The following TMEM117 variants were observed in gnomAD, a reference collection of about 807,000 sequenced individuals.
The protein encoded by TMEM117 is transmembrane protein 117.
TMEM117 carries 27 observed loss-of-function variants against 52.4 expected under a neutral mutation model. The ratio of observed to expected loss-of-function variants is 0.51; its 90% confidence interval spans 0.38 to 0.71. The LOEUF is 0.71. TMEM117 is among the 30% of genes least tolerant of loss of function. The probability of loss-of-function intolerance (pLI) is 0.00; values close to 1 mark genes in which losing one functional copy is unlikely to be tolerated. For synonymous variants in TMEM117, 215 were observed against 206.3 expected (o/e 1.04, Z -0.36); for missense variants, 556 against 630.5 (o/e 0.88, Z 1.26).
At chr12:44,316,809 T>G (rs1951060242) in intron 6 of TMEM117, among the ~76,000 whole-genome samples, 1 of 152,088 alleles carries the variant, frequency 6.6e-6, no homozygotes, top group South Asian at 2.1e-4. Context: ...CTGACTTGAT[T>G]AATTCAAAAG....
At chr12:44,282,062 A>G (rs1000149176) in intron 5 of TMEM117, among the ~76,000 whole-genome samples, 1 of 152,186 alleles carries the variant, frequency 6.6e-6, no homozygotes, top group Non-Finnish European at 1.5e-5. Context: ...AAGTCTCACA[A>G]GAACTGATGG....
intron 2 of TMEM117, among the ~76,000 whole-genome samples, chr12:43,897,947 T>C (rs1045112566): frequency 2.0e-5 from 3 of 152,078 alleles, no homozygotes; most frequent in Non-Finnish European, 4.4e-5. Context: ...GCTTTTTCTC[T>C]CATGACCCTT....
intron 3 of TMEM117, among the ~76,000 whole-genome samples, chr12:44,130,906 C>CT (rs1268852347): frequency 6.6e-6 from 1 of 151,904 alleles, no homozygotes; most frequent in Admixed American, 6.6e-5. Flanking sequence ...TGACATTGTG[C>CT]TTTTTCTGTA....
At chr12:43,902,065 TGA>T (rs748702739) in intron 2 of TMEM117, among the ~76,000 whole-genome samples, 12 of 152,248 alleles carry the variant, frequency 7.9e-5, no homozygotes, top group Non-Finnish European at 1.2e-4. Flanking sequence ...ATACGCTGTT[TGA>T]TCAATTGTGC....
At chr12:43,981,484 C>T (rs189755065) in intron 3 of TMEM117, among the ~76,000 whole-genome samples, 11 of 152,234 alleles carry the variant, frequency 7.2e-5, no homozygotes, top group Admixed American at 2.6e-4. Context: ...GTTAGAGCCA[C>T]GTAAAACTAA....
At chr12:44,354,620 C>T (rs543679429) in intron 6 of TMEM117, among the ~76,000 whole-genome samples, 1 of 150,718 alleles carries the variant, frequency 6.6e-6, no homozygotes, top group East Asian at 2.0e-4. Flanking sequence ...ATTCAACAAC[C>T]CTTCATGCTA....
intron 5 of TMEM117, among the ~76,000 whole-genome samples, chr12:44,298,275 A>C (rs1950793653): frequency 6.6e-6 from 1 of 150,836 alleles, no homozygotes; most frequent in Non-Finnish European, 1.5e-5. Context: ...AAGACATTAG[A>C]GGGCAAAAAC....
chr12:44,340,630 C>G (rs966232375), intron 6 of TMEM117, among the ~76,000 whole-genome samples: 1 of 151,828 alleles, frequency 6.6e-6, no homozygotes, highest in Admixed American at 6.6e-5. Flanking sequence ...TAGCTATGCA[C>G]GTCAAGAATT....
chr12:44,206,472 C>CT (rs1390962070), intron 4 of TMEM117, among the ~76,000 whole-genome samples: 1 of 152,114 alleles, frequency 6.6e-6, no homozygotes, highest in Non-Finnish European at 1.5e-5. Context: ...AGGCATATGC[C>CT]TAAAGGATAT....
intron 5 of TMEM117, among the ~76,000 whole-genome samples, chr12:44,294,869 C>T (rs906104057): frequency 2.6e-5 from 4 of 152,200 alleles, no homozygotes; most frequent in Non-Finnish European, 5.9e-5. Context: ...CAATTTAAAA[C>T]TTGTGAATTG....
chr12:44,047,578 C>G lies in TMEM117; in HGVS notation c.411-95947C>G, dbSNP rs76581513. Among the ~76,000 whole-genome samples the G allele has an allele frequency of 4.3e-3, 651 of 152,212 alleles. 10 individuals are homozygous for G. Among genetic ancestry groups the G allele is most frequent in the African/African-American group, 0.014 (596 of 41,528 alleles). On this transcript the variant is annotated intron_variant, in intron 3 of 7. Coordinates refer to ENST00000266534, the MANE Select transcript of TMEM117 (RefSeq NM_032256.3). ...TATTTTATTTTCTAGTTCACTATTT[C>G]ATAGAAGGTATTGCTTTTTAAAAAA...
chr12:43,948,397 C>T (rs1945168144), intron 3 of TMEM117, among the ~76,000 whole-genome samples: 1 of 151,988 alleles, frequency 6.6e-6, no homozygotes, highest in Non-Finnish European at 1.5e-5. Context: ...GCTCTGCCTC[C>T]TGGGTTCATG....
chr12:43,800,677 T>C, the TMEM117 span: 4 of 594,368 alleles, frequency 6.7e-6, no homozygotes, highest in Non-Finnish European at 1.2e-5. Context: ...AAAATACGTG[T>C]GTACAAATAA....
chr12:43,976,857 A>G (rs941045160), intron 3 of TMEM117, among the ~76,000 whole-genome samples: 2 of 152,194 alleles, frequency 1.3e-5, no homozygotes, highest in African/African-American at 4.8e-5. Flanking sequence ...CTGGCTTTGC[A>G]TCCTAGAATT....
At chr12:44,354,574 AT>A (rs1399191311) in intron 6 of TMEM117, among the ~76,000 whole-genome samples, 1 of 152,010 alleles carries the variant, frequency 6.6e-6, no homozygotes, top group African/African-American at 2.4e-5. Flanking sequence ...AAACCACATG[AT>A]TATCTCAATA....
chr12:43,841,678 A>G (rs553954531), intron 1 of TMEM117, among the ~76,000 whole-genome samples: 4 of 152,162 alleles, frequency 2.6e-5, no homozygotes, highest in Non-Finnish European at 5.9e-5. Context: ...AGTCAAGATT[A>G]TATGTATTGG....
chr12:44,094,535 A>G (rs376286908), intron 3 of TMEM117, among the ~76,000 whole-genome samples: 3 of 152,166 alleles, frequency 2.0e-5, no homozygotes, highest in South Asian at 2.1e-4. Context: ...GTATTAAAAA[A>G]TTACCTTTGA....
intron 5 of TMEM117, among the ~76,000 whole-genome samples, chr12:44,220,466 T>TA (rs1236735510): frequency 6.6e-6 from 1 of 152,186 alleles, no homozygotes; most frequent in Non-Finnish European, 1.5e-5. Flanking sequence ...GCTATGTTTG[T>TA]ATATAGCTCA....
At chr12:44,254,690 G>A (rs1480031468) in intron 5 of TMEM117, among the ~76,000 whole-genome samples, 2 of 151,538 alleles carry the variant, frequency 1.3e-5, no homozygotes, top group Admixed American at 1.3e-4. Context: ...TAAGTTTTAG[G>A]GTACATGTGC....
Sources: allele counts gnomAD v4.1 joint callset (sites outside exome capture counted in the v4.1 genomes callset), GRCh38; gene constraint gnomAD v4.1.1; transcripts MANE v1.5; gene names NCBI Gene and HGNC (gene_info 2026-07-23, HGNC 2026-07-21).